LRP1B: variants seen among roughly 807,000 people sequenced by gnomAD.
LRP1B encodes LDL receptor related protein 1B, also known as low-density lipoprotein receptor-related protein 1B.
In LRP1B, 217 loss-of-function variants were observed where a neutral mutation model predicts 556.6. The observed-to-expected ratio is 0.39, with a 90% confidence interval of 0.35 to 0.44. The LOEUF is 0.44. LRP1B is among the 20% of genes least tolerant of loss of function. LRP1B has a pLI of 1.00. For missense variants in LRP1B, 5,053 were observed against 5,620.8 expected (o/e 0.90, Z 3.23); for synonymous variants, 2,047 against 1,865.8 (o/e 1.10, Z -2.50).
intron 84 of LRP1B, among the ~76,000 whole-genome samples, chr2:140,280,541 G>C (rs975206534): frequency 6.6e-6 from 1 of 151,736 alleles, no homozygotes; most frequent in African/African-American, 2.4e-5. Flanking sequence ...CTGTGGACAT[G>C]TATGTGCCTT....
chr2:141,264,157 T>A (rs1425072710), intron 3 of LRP1B, among the ~76,000 whole-genome samples: 2 of 152,152 alleles, frequency 1.3e-5, no homozygotes, highest in African/African-American at 4.8e-5. Context: ...GTAAAACGGT[T>A]TCTGTTTGTA....
At chr2:140,769,833 T>C (rs1689246463) in intron 34 of LRP1B, among the ~76,000 whole-genome samples, 1 of 29,576 alleles carries the variant, frequency 3.4e-5, no homozygotes, top group African/African-American at 7.3e-5. Context: ...CATTTAGATT[T>C]CTTAAGAAAT....
At chr2:141,290,738 T>C (rs1017254480) in intron 3 of LRP1B, among the ~76,000 whole-genome samples, 1 of 152,166 alleles carries the variant, frequency 6.6e-6, no homozygotes, top group African/African-American at 2.4e-5. Context: ...CTGGGATTTA[T>C]GAGACATGGA....
At chr2:140,628,415 T>C (rs1298940487) in intron 41 of LRP1B, among the ~76,000 whole-genome samples, 1 of 151,858 alleles carries the variant, frequency 6.6e-6, no homozygotes, top group Non-Finnish European at 1.5e-5. Flanking sequence ...CGGGTGCCTG[T>C]AGTCCCAGCT....
intron 41 of LRP1B, among the ~76,000 whole-genome samples, chr2:140,650,221 A>G (rs1005261394): frequency 1.5e-4 from 23 of 151,798 alleles, no homozygotes; most frequent in African/African-American, 5.3e-4. Context: ...ATATAAAAAA[A>G]AGGCAGAGGT....
intron 1 of LRP1B, among the ~76,000 whole-genome samples, chr2:141,976,430 C>T (rs559985235): frequency 4.6e-5 from 7 of 152,100 alleles, no homozygotes; most frequent in South Asian, 2.1e-4. Context: ...TTTCAATTAA[C>T]GAACTTTTGC....
intron 84 of LRP1B, among the ~76,000 whole-genome samples, chr2:140,283,502 C>T (rs538946123): frequency 6.1e-4 from 92 of 151,398 alleles, no homozygotes; most frequent in African/African-American, 2.2e-3. Flanking sequence ...GTAATGTATT[C>T]CAAATATTTC....
intron 7 of LRP1B, among the ~76,000 whole-genome samples, chr2:141,138,599 T>C (rs1204946189): frequency 6.6e-6 from 1 of 151,306 alleles, no homozygotes; most frequent in African/African-American, 2.4e-5. Context: ...TACTGGCAAA[T>C]AACAATTGGA....
At chr2:141,225,082 T>A (rs184317587) in intron 6 of LRP1B, among the ~76,000 whole-genome samples, 1 of 152,264 alleles carries the variant, frequency 6.6e-6, no homozygotes, top group Admixed American at 6.5e-5. Flanking sequence ...TAATTTAAAG[T>A]TGACATTAAA....
At chr2:140,579,646 A>G (rs1681680111) in intron 43 of LRP1B, among the ~76,000 whole-genome samples, 1 of 152,184 alleles carries the variant, frequency 6.6e-6, no homozygotes, top group South Asian at 2.1e-4. Context: ...GTTCAAGACC[A>G]GCCTGACCAA....
Position 141,188,503 on chromosome 2 carries a change from TACAA to T in LRP1B, c.927_930del (p.Cys310IlefsTer10). On this transcript the variant is annotated frameshift_variant, in exon 7 of 91. Transcript: ENST00000389484. LOFTEE classifies it high-confidence loss of function. ...GTGACACATACAGAACCGTTGGAAT[TACAA>T]ACAAAGATCCGGTCACCGACATGGT... 1 of 1,612,756 alleles carries T rather than the reference TACAA, an allele frequency of 6.2e-7. No homozygotes were observed. The highest frequency in any genetic ancestry group is 8.5e-7 in the Non-Finnish European group (1 of 1,179,238).
intron 28 of LRP1B, among the ~76,000 whole-genome samples, chr2:140,851,192 G>A (rs1192969779): frequency 6.6e-6 from 1 of 151,910 alleles, no homozygotes; most frequent in East Asian, 1.9e-4. Flanking sequence ...ATCTTTCCAA[G>A]TTATATATTT....
chr2:141,673,096 T>G (rs1348300754), intron 2 of LRP1B, among the ~76,000 whole-genome samples: 1 of 152,204 alleles, frequency 6.6e-6, no homozygotes, highest in African/African-American at 2.4e-5. Context: ...GGAAGTCTTC[T>G]GCCTTCAAGA....
chr2:141,522,199 ATC>A (rs1684550728), intron 2 of LRP1B, among the ~76,000 whole-genome samples: 1 of 152,116 alleles, frequency 6.6e-6, no homozygotes, highest in South Asian at 2.1e-4. Context: ...TGGCCGAACA[ATC>A]TGTTTTAACA....
At chr2:142,016,541 A>G (rs532067811) in intron 1 of LRP1B, among the ~76,000 whole-genome samples, 51 of 152,264 alleles carry the variant, frequency 3.3e-4, no homozygotes, top group African/African-American at 1.2e-3. Flanking sequence ...ACATGGATGA[A>G]GCTGGAAACC....
chr2:141,632,758 A>G (rs1217876711), intron 2 of LRP1B, among the ~76,000 whole-genome samples: 1 of 152,102 alleles, frequency 6.6e-6, no homozygotes, highest in Non-Finnish European at 1.5e-5. Flanking sequence ...ATGACATAAA[A>G]ATTGATCAAA....
intron 1 of LRP1B, among the ~76,000 whole-genome samples, chr2:141,899,207 TTTAA>T (rs1286752480): frequency 6.6e-6 from 1 of 152,164 alleles, no homozygotes; most frequent in South Asian, 2.1e-4. Flanking sequence ...TTCATCCAGC[TTTAA>T]TTGAGACTGC....
chr2:141,231,311 C>T (rs1480008724), intron 5 of LRP1B, among the ~76,000 whole-genome samples: 2 of 152,158 alleles, frequency 1.3e-5, no homozygotes, highest in East Asian at 3.9e-4. Context: ...GATAGAAGAG[C>T]CCTCCAGTGA....
chr2:141,939,137 C>T (rs1700719977), intron 1 of LRP1B, among the ~76,000 whole-genome samples: 1 of 146,802 alleles, frequency 6.8e-6, no homozygotes, highest in East Asian at 2.0e-4. Flanking sequence ...ATTTCAGTTG[C>T]TTATACTACA....
Sources: allele counts gnomAD v4.1 joint callset (sites outside exome capture counted in the v4.1 genomes callset), GRCh38; gene constraint gnomAD v4.1.1; transcripts MANE v1.5; gene names NCBI Gene and HGNC (gene_info 2026-07-23, HGNC 2026-07-21).